FMNL2: variants seen among roughly 807,000 people sequenced by gnomAD.
FMNL2 encodes formin-like protein 2.
A neutral mutation model predicts 130.2 loss-of-function variants in FMNL2; 51 were observed. The ratio of observed to expected loss-of-function variants is 0.39; its 90% confidence interval spans 0.31 to 0.49. FMNL2 has a LOEUF of 0.49. FMNL2 is among the 20% of genes least tolerant of loss of function. FMNL2 has a pLI of 0.85. For synonymous variants in FMNL2, 465 were observed against 467.1 expected (o/e 1.00, Z 0.06); for missense variants, 977 against 1,316.2 (o/e 0.74, Z 3.99).
intron 15 of FMNL2, chr2:152,625,115 T>G (rs1284256323): frequency 4.1e-6 from 1 of 245,490 alleles, no homozygotes; most frequent in Non-Finnish European, 7.9e-6. Context: ...CTCCAACACT[T>G]TTTATTTGTC....
rs1230158767 is a variant in FMNL2, at chr2:152,636,598, T to C, written c.2844+8T>C. 15 of 1,553,934 alleles carry C rather than the reference T, an allele frequency of 9.7e-6. No homozygotes were observed. Among genetic ancestry groups the C allele is most frequent in the Admixed American group, 2.0e-5 (1 of 51,140 alleles). ...GATGCCAAGATCGCACAGGCAAGTA[T>C]TGGTGCCCCTGAAACCTGTGAAGAG... On this transcript the variant is annotated splice_region_variant and intron_variant, in intron 22 of 25. Coordinates refer to ENST00000288670, the MANE Select transcript of FMNL2 (RefSeq NM_052905.4).
At chr2:152,398,399 C>A (rs1421681295) in intron 1 of FMNL2, among the ~76,000 whole-genome samples, 1 of 152,148 alleles carries the variant, frequency 6.6e-6, no homozygotes, top group Non-Finnish European at 1.5e-5. Flanking sequence ...ATTATAAATT[C>A]TCCTATGTAA....
chr2:152,540,349 A>G (rs548621648), intron 2 of FMNL2, among the ~76,000 whole-genome samples: 92 of 152,242 alleles, frequency 6.0e-4, no homozygotes, highest in African/African-American at 2.0e-3. Context: ...AGTAGTTTAT[A>G]CACAGACACA....
At chr2:152,443,485 A>C (rs1365210241) in intron 1 of FMNL2, among the ~76,000 whole-genome samples, 1 of 152,162 alleles carries the variant, frequency 6.6e-6, no homozygotes, top group Non-Finnish European at 1.5e-5. Context: ...ATTGTTAGAG[A>C]GGGTCACAAC....
At chr2:152,522,451 C>G (rs933084735) in intron 2 of FMNL2, among the ~76,000 whole-genome samples, 9 of 152,256 alleles carry the variant, frequency 5.9e-5, no homozygotes, top group African/African-American at 2.2e-4. Context: ...TTAAAAGATT[C>G]AGAGAAAGTT....
At chr2:152,402,638 C>G (rs1396889386) in intron 1 of FMNL2, among the ~76,000 whole-genome samples, 1 of 152,230 alleles carries the variant, frequency 6.6e-6, no homozygotes, top group Non-Finnish European at 1.5e-5. Flanking sequence ...CTCTCCCTTG[C>G]ACACAGCTCT....
chr2:152,566,977 G>T (rs984496829), intron 6 of FMNL2, among the ~76,000 whole-genome samples: 2 of 152,314 alleles, frequency 1.3e-5, no homozygotes, highest in East Asian at 3.9e-4. Flanking sequence ...AGATGAGCCT[G>T]GCTGCAAGTC....
intron 1 of FMNL2, among the ~76,000 whole-genome samples, chr2:152,356,351 T>C (rs1385154210): frequency 6.6e-6 from 1 of 152,180 alleles, no homozygotes; most frequent in East Asian, 1.9e-4. Context: ...CTCGAACTCC[T>C]GACCTCAAGT....
intron 1 of FMNL2, among the ~76,000 whole-genome samples, chr2:152,432,136 A>G (rs938215289): frequency 6.6e-6 from 1 of 151,944 alleles, no homozygotes; most frequent in Non-Finnish European, 1.5e-5. Context: ...GCTAATATCT[A>G]TGTAAAAGAA....
At chr2:152,380,446 G>T (rs12474369) in intron 1 of FMNL2, among the ~76,000 whole-genome samples, 1 of 152,096 alleles carries the variant, frequency 6.6e-6, no homozygotes, top group Admixed American at 6.5e-5. Context: ...TGTGTAGTCA[G>T]TTCTTACAAG....
In FMNL2 at chr2:152,383,831, A is replaced by T. The variant is rs148374383; in HGVS notation, c.117+48111A>T. Among the ~76,000 whole-genome samples the T allele has an allele frequency of 9.7e-4, 148 of 152,312 alleles. 1 individual carries two copies. Among genetic ancestry groups the T allele is most frequent in the African/African-American group, 3.1e-3 (127 of 41,572 alleles). ...TATGGCAAAGAAATGAGGAGAAGTC[A>T]TCATCAGTTTGATGATTAGCATCTG... On this transcript the variant is annotated intron_variant, in intron 1 of 25. Coordinates refer to ENST00000288670, the MANE Select transcript of FMNL2 (RefSeq NM_052905.4).
chr2:152,492,374 A>G (rs1290260046), intron 1 of FMNL2, among the ~76,000 whole-genome samples: 1 of 152,238 alleles, frequency 6.6e-6, no homozygotes, highest in Non-Finnish European at 1.5e-5. Flanking sequence ...AAAATAGCAT[A>G]GTATCAGAAA....
chr2:152,521,806 G>C lies in FMNL2; in HGVS notation c.118-137G>C, dbSNP rs529366124. On this transcript the variant is annotated intron_variant, in intron 1 of 25. Coordinates refer to ENST00000288670, the MANE Select transcript of FMNL2 (RefSeq NM_052905.4). Reference sequence around the variant, plus strand: ...TTTAAGTGACTTCTGTGGGTGTTTTGGTTTAATCAGATACTAGGAATTGAG... The same window carrying C: ...TTTAAGTGACTTCTGTGGGTGTTTTCGTTTAATCAGATACTAGGAATTGAG... The C allele has an allele frequency of 3.0e-4, 207 of 689,786 alleles. 4 individuals are homozygous for C. The South Asian group carries it at 3.5e-3, about 12-fold the overall frequency. 42.7% of individuals were successfully genotyped at this position (689,786 alleles called of 1,614,324 possible). A position where few individuals can be genotyped will look rare whatever the true frequency, so the allele number is the denominator to read the frequency against.
chr2:152,375,535 G>A (rs1157862354), intron 1 of FMNL2, among the ~76,000 whole-genome samples: 1 of 152,152 alleles, frequency 6.6e-6, no homozygotes, highest in Non-Finnish European at 1.5e-5. Flanking sequence ...CAGATGACAA[G>A]ACTTACTAAA....
chr2:152,373,672 G>A (rs1684010792), intron 1 of FMNL2, among the ~76,000 whole-genome samples: 1 of 151,770 alleles, frequency 6.6e-6, no homozygotes, highest in East Asian at 1.9e-4. Context: ...GTAGTACTTG[G>A]CATGTGGCAA....
chr2:152,499,857 G>C (rs1160305179), intron 1 of FMNL2, among the ~76,000 whole-genome samples: 1 of 152,110 alleles, frequency 6.6e-6, no homozygotes, highest in Non-Finnish European at 1.5e-5. Flanking sequence ...TTGATGATCT[G>C]GTGCTTTTGG....
chr2:152,611,454 A>T (rs1307218685), intron 10 of FMNL2, 41 bp from the exon 11 acceptor site: 4 of 1,191,590 alleles, frequency 3.4e-6, no homozygotes, highest in Non-Finnish European at 4.8e-6. Flanking sequence ...ACTGAGAAAA[A>T]AGTTTGGAGC....
intron 21 of FMNL2, among the ~76,000 whole-genome samples, chr2:152,633,659 G>A (rs1260875236): frequency 6.6e-6 from 1 of 152,208 alleles, no homozygotes; most frequent in Non-Finnish European, 1.5e-5. Flanking sequence ...ACAGTAGGCA[G>A]AATTTCTGTT....
intron 2 of FMNL2, among the ~76,000 whole-genome samples, chr2:152,524,484 G>A (rs1253281084): frequency 2.6e-5 from 4 of 152,220 alleles, no homozygotes; most frequent in African/African-American, 4.8e-5. Context: ...GTATCCCAGC[G>A]TACCCATTTC....
Sources: allele counts gnomAD v4.1 joint callset (sites outside exome capture counted in the v4.1 genomes callset), GRCh38; gene constraint gnomAD v4.1.1; transcripts MANE v1.5; gene names NCBI Gene and HGNC (gene_info 2026-07-23, HGNC 2026-07-21).